Variants in CACNB2 observed in about 807,000 individuals in gnomAD.
The protein encoded by CACNB2 is calcium voltage-gated channel auxiliary subunit beta 2, also known as voltage-dependent L-type calcium channel subunit beta-2.
In CACNB2, 42 loss-of-function variants were observed where a neutral mutation model predicts 73.3. That is an observed-to-expected ratio of 0.57 (90% CI 0.45 to 0.74). The LOEUF is 0.74. Ranked by LOEUF, CACNB2 falls within the 30% of genes least tolerant of loss-of-function variation. CACNB2 has a pLI of 0.00. For synonymous variants in CACNB2, 348 were observed against 310.3 expected (o/e 1.12, Z -1.28); for missense variants, 940 against 853.0 (o/e 1.10, Z -1.27).
intron 12 of CACNB2, among the ~76,000 whole-genome samples, chr10:18,537,362 T>TAAAC (rs965894595): frequency 1.3e-5 from 2 of 152,190 alleles, no homozygotes; most frequent in African/African-American, 4.8e-5. Context: ...AAATTTATAA[T>TAAAC]AAACACTAAA....
chr10:18,140,615 A>T lies in CACNB2; in HGVS notation c.-122A>T. 2 of 734,192 alleles carry T rather than the reference A, an allele frequency of 2.7e-6. No homozygotes were observed. Among genetic ancestry groups the T allele is most frequent in the Non-Finnish European group, 2.1e-6 (1 of 481,872 alleles). The allele number at this position is 734,192 out of a possible 1,614,324, so 45.5% of individuals were successfully genotyped here. A position where few individuals can be genotyped will look rare whatever the true frequency, so the allele number is the denominator to read the frequency against. ...GGGCGCTGCGGGGCGCTGCGCCGAG[A>T]ACGGCCGGGCCTGAGCCCTGGGCGG... On this transcript the variant is annotated 5_prime_UTR_variant, in exon 1 of 14. Coordinates refer to ENST00000324631, the MANE Select transcript of CACNB2 (RefSeq NM_201596.3).
At chr10:18,184,642 A>C in intron 2 of CACNB2, among the ~76,000 whole-genome samples, 1 of 115,350 alleles carries the variant, frequency 8.7e-6, no homozygotes, top group African/African-American at 3.5e-5. Flanking sequence ...ACAGTTTCTC[A>C]GACTTTGTTT....
At chr10:18,339,187 A>G (rs1302562755) in intron 2 of CACNB2, among the ~76,000 whole-genome samples, 1 of 152,056 alleles carries the variant, frequency 6.6e-6, no homozygotes, top group Non-Finnish European at 1.5e-5. Context: ...CAGTTTCATT[A>G]TATCCTGCTA....
intron 2 of CACNB2, among the ~76,000 whole-genome samples, chr10:18,354,938 T>C (rs1389849584): frequency 1.3e-5 from 2 of 151,690 alleles, no homozygotes; most frequent in African/African-American, 4.8e-5. Flanking sequence ...AGTACTTACG[T>C]AGGCTAGAGA....
chr10:18,522,225 G>T (rs2051966072), intron 9 of CACNB2, among the ~76,000 whole-genome samples: 2 of 151,942 alleles, frequency 1.3e-5, no homozygotes, highest in Admixed American at 1.3e-4. Context: ...GGATCCCACT[G>T]ATTCTACATT....
intron 1 of CACNB2, among the ~76,000 whole-genome samples, chr10:18,143,960 C>T (rs1284992595): frequency 6.6e-6 from 1 of 152,188 alleles, no homozygotes; most frequent in Non-Finnish European, 1.5e-5. Context: ...ATCAATCATT[C>T]TGTCTAGAGA....
intron 9 of CACNB2, chr10:18,520,076 T>C (rs912032781): frequency 5.1e-6 from 1 of 195,018 alleles, no homozygotes; most frequent in Non-Finnish European, 1.0e-5. Context: ...TTTACCTACA[T>C]TTCTTTAGTG....
intron 3 of CACNB2, among the ~76,000 whole-genome samples, chr10:18,413,534 CT>C (rs1189038012): frequency 2.6e-5 from 4 of 152,206 alleles, no homozygotes; most frequent in African/African-American, 9.6e-5. Flanking sequence ...ACCCTTTCTT[CT>C]CTGCATTTTC....
At chr10:18,397,181 G>GGGT (rs1486771303) in intron 2 of CACNB2, among the ~76,000 whole-genome samples, 1 of 152,116 alleles carries the variant, frequency 6.6e-6, no homozygotes, top group Non-Finnish European at 1.5e-5. Flanking sequence ...TAAAGAAAAA[G>GGGT]GGTGGCCAGG....
intron 3 of CACNB2, among the ~76,000 whole-genome samples, chr10:18,461,486 G>C (rs116948859): frequency 0.025 from 3,741 of 151,772 alleles, 48 homozygotes; most frequent in African/African-American, 0.026. Context: ...TTGAATGTGT[G>C]TGCTTTAAGC....
At chr10:18,293,840 A>G (rs1336617401) in intron 2 of CACNB2, among the ~76,000 whole-genome samples, 7 of 152,220 alleles carry the variant, frequency 4.6e-5, no homozygotes, top group Admixed American at 2.0e-4. Context: ...GTTAATGACT[A>G]TGATAAAATT....
At chr10:18,358,497 GCTCT>G (rs59205683) in intron 2 of CACNB2, among the ~76,000 whole-genome samples, 2,164 of 103,726 alleles carry the variant, frequency 0.021, 2 homozygotes, top group East Asian at 0.093. Flanking sequence ...TAATGAGCAC[GCTCT>G]CTCTCTCTCT....
intron 13 of CACNB2, 58 bp from the exon 14 acceptor site, chr10:18,539,172 G>A (rs1402236312): frequency 6.2e-7 from 1 of 1,610,354 alleles, no homozygotes; most frequent in Non-Finnish European, 8.5e-7. Context: ...CTTGCTCTGG[G>A]ACATGTTCTT....
At chr10:18,355,699 C>T (rs566781122) in intron 2 of CACNB2, among the ~76,000 whole-genome samples, 119 of 150,714 alleles carry the variant, frequency 7.9e-4, no homozygotes, top group Admixed American at 3.6e-3. Context: ...TACAGTGGCG[C>T]GATCTCGGCT....
rs149793143 is a variant in CACNB2 at position 18,534,201 on chromosome 10, G to C, written c.1180G>C (p.Val394Leu). 1.9e-6 allele frequency: 3 copies of C among 1,613,524 alleles called. No individual in the cohort carries two copies. The highest frequency in any genetic ancestry group is 2.5e-6 in the Non-Finnish European group (3 of 1,179,538). The change falls in exon 11 of 14, where the codon GTA becomes CTA. Residue 394 changes from valine (V) to leucine (L), a missense_variant. Coordinates refer to ENST00000324631, the MANE Select transcript of CACNB2 (RefSeq NM_201596.3). ...TAAAACCTCCTTGGCCCCTATTATA[G>C]TATATGTAAAGATTTCTTCTCCTAA... ...LSKTSLAPII[V>L]YVKISSPKVL... is the part of the protein sequence containing the mutation.
chr10:18,456,641 A>G (rs1255904325), intron 3 of CACNB2, among the ~76,000 whole-genome samples: 2 of 151,930 alleles, frequency 1.3e-5, no homozygotes, highest in African/African-American at 4.8e-5. Flanking sequence ...ACAGATCCAA[A>G]CTGTATCACT....
chr10:18,390,492 A>G (rs185603431), intron 2 of CACNB2, among the ~76,000 whole-genome samples: 176 of 152,320 alleles, frequency 1.2e-3, no homozygotes, highest in South Asian at 4.1e-3. Flanking sequence ...GATTACAGGC[A>G]TGAGCCACGG....
At chr10:18,403,584 G>A (rs183583497) in intron 3 of CACNB2, among the ~76,000 whole-genome samples, 6 of 152,278 alleles carry the variant, frequency 3.9e-5, no homozygotes, top group Middle Eastern at 3.4e-3. Context: ...TGTAATTGGG[G>A]CATTTTTGTT....
rs2041210092 is a variant in CACNB2 at position 18,340,969 on chromosome 10, A to T, written c.214-60955A>T. 1.2e-6 allele frequency: 2 copies of T among 1,614,136 alleles called. No individual in the cohort carries two copies. Among genetic ancestry groups the T allele is most frequent in the East Asian group, 2.2e-5 (1 of 44,882 alleles). On this transcript the variant is annotated intron_variant, in intron 2 of 13. Coordinates refer to ENST00000324631, the MANE Select transcript of CACNB2 (RefSeq NM_201596.3). ...TATAGCTCCTCAAACTAAATACATT[A>T]TTCCTGGGGTAAGCATACGGGAGAG...
Sources: gnomAD v4.1 joint callset for allele counts (sites outside exome capture counted in the v4.1 genomes callset) on GRCh38, gnomAD v4.1.1 for gene constraint, MANE v1.5 for transcripts, NCBI Gene and HGNC (gene_info 2026-07-23, HGNC 2026-07-21) for gene names.